Variants in TAFA5 observed in about 807,000 individuals in gnomAD.
TAFA5 encodes the protein TAFA chemokine like family member 5.
A neutral mutation model predicts 15.3 loss-of-function variants in TAFA5; 6 were observed. The ratio of observed to expected loss-of-function variants is 0.39; its 90% CI spans 0.21 to 0.77. TAFA5 has a LOEUF of 0.77. Ranked by LOEUF, TAFA5 falls within the 30% of genes least tolerant of loss-of-function variation. The pLI, the probability that TAFA5 is intolerant of heterozygous loss-of-function variation, is 0.41. For synonymous variants in TAFA5, 103 were observed against 80.7 expected, an observed-to-expected ratio of 1.28 and a Z score of -1.48; for missense variants, 161 against 193.1, an observed-to-expected ratio of 0.83 and a Z score of 0.98.
intron 1 of TAFA5, among the ~76,000 whole-genome samples, chr22:48,496,614 G>A (rs890491839): frequency 1.3e-5 from 2 of 152,188 alleles, no homozygotes; most frequent in Admixed American, 1.3e-4. Flanking sequence ...GTCTTCTGAC[G>A]TCACCCACTC....
At chr22:48,645,096 G>A (rs937956645) in intron 1 of TAFA5, among the ~76,000 whole-genome samples, 2 of 152,260 alleles carry the variant, frequency 1.3e-5, no homozygotes, top group Non-Finnish European at 2.9e-5. Flanking sequence ...CTACTCAGAT[G>A]AAGGAGTGAG....
At chr22:48,741,014 A>G (rs575560462) in intron 3 of TAFA5, among the ~76,000 whole-genome samples, 3 of 152,078 alleles carry the variant, frequency 2.0e-5, no homozygotes, top group African/African-American at 7.2e-5. Flanking sequence ...TGGAGACCCA[A>G]CGTCCCCGAG....
intron 1 of TAFA5, among the ~76,000 whole-genome samples, chr22:48,540,092 GC>G: frequency 1.3e-5 from 2 of 152,346 alleles, no homozygotes; most frequent in African/African-American, 4.8e-5. Context: ...CAGGAGAAGG[GC>G]TGGCCCCCTC....
intron 3 of TAFA5, among the ~76,000 whole-genome samples, chr22:48,736,599 C>T (rs1300943502): frequency 2.6e-5 from 4 of 152,206 alleles, no homozygotes; most frequent in African/African-American, 7.2e-5. Context: ...TGTCCGTCAG[C>T]GGTCCCACGG....
chr22:48,686,511 A>G (rs558878561), intron 2 of TAFA5, among the ~76,000 whole-genome samples: 53 of 152,332 alleles, frequency 3.5e-4, no homozygotes, highest in Non-Finnish European at 7.2e-4. Context: ...CCACTTCCTA[A>G]TACCATCACT....
chr22:48,504,630 G>C (rs1013367344), intron 1 of TAFA5, among the ~76,000 whole-genome samples: 2 of 152,222 alleles, frequency 1.3e-5, no homozygotes, highest in African/African-American at 4.8e-5. Flanking sequence ...GCTGAGGCCT[G>C]GAGAGGGGGC....
chr22:48,639,397 A>T (rs1362194314), intron 1 of TAFA5, among the ~76,000 whole-genome samples: 1 of 152,198 alleles, frequency 6.6e-6, no homozygotes, highest in Non-Finnish European at 1.5e-5. Context: ...GTCATTTTGG[A>T]TATTCATCCT....
intron 1 of TAFA5, among the ~76,000 whole-genome samples, chr22:48,637,404 G>T (rs12484933): frequency 6.6e-6 from 1 of 152,136 alleles, no homozygotes. Flanking sequence ...GTTCGAAAGC[G>T]GTTCCTGCTA....
chr22:48,739,941 G>C (rs1383119917), intron 3 of TAFA5, among the ~76,000 whole-genome samples: 2 of 152,190 alleles, frequency 1.3e-5, no homozygotes, highest in Admixed American at 1.3e-4. Flanking sequence ...AGAAGCTCTG[G>C]GGGCCCTGCA....
rs577863853 is a variant in TAFA5 at position 48,644,745 on chromosome 22, G to A, written c.113-1852G>A. Reference sequence around the variant, plus strand: ...TAGGAGAAAAAGTGGGATGGATAAGGAAGGGCACCCAGGCTGTAGAAACGG... The same window carrying A: ...TAGGAGAAAAAGTGGGATGGATAAGAAAGGGCACCCAGGCTGTAGAAACGG... On this transcript the variant is annotated intron_variant, in intron 1 of 3. Coordinates refer to ENST00000402357, the MANE Select transcript of TAFA5 (RefSeq NM_001082967.3). Among the ~76,000 whole-genome samples the A allele has an allele frequency of 1.2e-4, 18 of 152,298 alleles. No homozygotes were observed. In the South Asian group the frequency reaches 3.1e-3, roughly 26 times the overall value.
intron 1 of TAFA5, among the ~76,000 whole-genome samples, chr22:48,612,194 G>T (rs59697330): frequency 6.6e-6 from 1 of 152,164 alleles, no homozygotes; most frequent in South Asian, 2.1e-4. Flanking sequence ...CCGCCCACTG[G>T]GCCTCATGCT....
At chr22:48,599,930 G>A (rs374453342) in intron 1 of TAFA5, among the ~76,000 whole-genome samples, 14 of 152,150 alleles carry the variant, frequency 9.2e-5, no homozygotes, top group African/African-American at 2.4e-4. Flanking sequence ...GCTGGGGGCC[G>A]CTGGTCCAGC....
intron 3 of TAFA5, among the ~76,000 whole-genome samples, chr22:48,741,320 C>A (rs1930174687): frequency 6.6e-6 from 1 of 152,206 alleles, no homozygotes; most frequent in South Asian, 2.1e-4. Context: ...TGGAACCGTC[C>A]TCACCGCTGG....
At chr22:48,517,062 T>A (rs1290024108) in intron 1 of TAFA5, among the ~76,000 whole-genome samples, 1 of 152,176 alleles carries the variant, frequency 6.6e-6, no homozygotes, top group Non-Finnish European at 1.5e-5. Flanking sequence ...GAGTTCTCGT[T>A]TCCGTCACCC....
rs544761121 is a variant in TAFA5 at position 48,639,199 on chromosome 22, T to G, written c.113-7398T>G. Reference sequence around the variant, plus strand: ...GAACTCTGGGCGGCCCCACGGCGCCTCCTTTTCTCCCCGTTGGGGACCTGC... The same window carrying G: ...GAACTCTGGGCGGCCCCACGGCGCCGCCTTTTCTCCCCGTTGGGGACCTGC... On this transcript the variant is annotated intron_variant, in intron 1 of 3. Transcript: ENST00000402357. Among the ~76,000 whole-genome samples, 11 of 151,904 alleles carry G rather than the reference T, an allele frequency of 7.2e-5. No individual in the cohort carries two copies. In the East Asian group the frequency reaches 1.8e-3, roughly 24 times the overall value.
intron 1 of TAFA5, among the ~76,000 whole-genome samples, chr22:48,608,885 G>C (rs34406143): frequency 0.13 from 19,423 of 152,256 alleles, 1,337 homozygotes; most frequent in African/African-American, 0.17. Flanking sequence ...CCCCAGGTTT[G>C]CAGCCCTTGT....
chr22:48,711,195 G>T (rs738694), intron 3 of TAFA5, among the ~76,000 whole-genome samples: 3 of 151,854 alleles, frequency 2.0e-5, no homozygotes, highest in Non-Finnish European at 2.9e-5. Context: ...CCAGGCTAGT[G>T]ACTCTCAGGC....
intron 1 of TAFA5, chr22:48,544,754 A>T (rs563317910): frequency 2.1e-6 from 1 of 471,246 alleles, no homozygotes; most frequent in African/African-American, 2.0e-5. Flanking sequence ...GGGGAGGCTG[A>T]CTTGGAGAAA....
At chr22:48,582,027 G>A (rs536864098) in intron 1 of TAFA5, among the ~76,000 whole-genome samples, 2 of 152,162 alleles carry the variant, frequency 1.3e-5, no homozygotes, top group South Asian at 4.1e-4. Flanking sequence ...GAGTGGACAG[G>A]GCTCCTTTGA....
Sources: gnomAD v4.1 joint callset for allele counts (sites outside exome capture counted in the v4.1 genomes callset) on GRCh38, gnomAD v4.1.1 for gene constraint, MANE v1.5 for transcripts, NCBI Gene and HGNC (gene_info 2026-07-23, HGNC 2026-07-21) for gene names.